The following MYL6 variants were observed in gnomAD, a reference collection of about 807,000 sequenced individuals.
The protein encoded by MYL6 is myosin light chain 6, also known as myosin light polypeptide 6.
In MYL6, 20 loss-of-function variants were observed where a neutral mutation model predicts 20.3. That is an observed-to-expected ratio of 0.98 (90% CI 0.69 to 1.43). The LOEUF is 1.43. Ranked by LOEUF, MYL6 falls within the 40% of genes most tolerant of loss-of-function variation. MYL6 has a pLI of 0.00. For missense variants in MYL6, 164 were observed against 191.0 expected (o/e 0.86, Z 0.83); for synonymous variants, 77 against 72.4 (o/e 1.06, Z -0.32).
chr12:56,161,506 A>G lies in MYL6; in HGVS notation c.*136A>G, dbSNP rs1871868185. ...TTCCCTAGGCTTTCTTGTCTCAGCA[A>G]CTTTCCCATCTTGTCTCTCTTGGAT... On this transcript the variant is annotated 3_prime_UTR_variant, in exon 7 of 7. Coordinates refer to ENST00000550697, the MANE Select transcript of MYL6 (RefSeq NM_021019.5). 1 of 1,467,878 alleles carries G rather than the reference A, an allele frequency of 6.8e-7. No individual in the cohort carries two copies. The highest frequency in any genetic ancestry group is 9.5e-7 in the Non-Finnish European group (1 of 1,049,158). The allele number at this position is 1,467,878 out of a possible 1,614,324, so 90.9% of individuals were successfully genotyped here.
chr12:56,160,495 G>T, intron 5 of MYL6, 131 bp from the exon 6 acceptor site: 1 of 1,413,630 alleles, frequency 7.1e-7, no homozygotes. Flanking sequence ...TAACAGGAAA[G>T]GAAGGGGGTA....
chr12:56,158,533 T>C, intron 1 of MYL6, 129 bp downstream of exon 1: 1 of 1,609,260 alleles, frequency 6.2e-7, no homozygotes. Context: ...GGAGGTGGGG[T>C]TGGAAAGACT....
chr12:56,158,483 A>G (rs767808749), intron 1 of MYL6, 79 bp downstream of exon 1: 4 of 1,571,720 alleles, frequency 2.5e-6, no homozygotes, highest in East Asian at 4.5e-5. Flanking sequence ...AGGAGAAGGC[A>G]GGGGTAGGAG....
rs375710807 is a variant in MYL6 at position 56,160,302 on chromosome 12, G to T, written c.409G>T (p.Gly137Cys). ...MLVAGHEDSN[G>C]CINYEAFVRH... ...GGTGGCAGGGCATGAGGACAGCAAT[G>T]GTTGTATCAACTATGAAGGTAAGAG... The change falls in exon 5 of 7, where the codon GGT (glycine) becomes TGT (cysteine). Residue 137 changes from glycine to cysteine, a missense_variant. By Grantham distance (159) the Gly-to-Cys change is radical. Coordinates refer to ENST00000550697, the MANE Select transcript of MYL6 (RefSeq NM_021019.5). The T allele has an allele frequency of 6.2e-7, 1 of 1,614,094 alleles. No homozygotes were observed. The highest frequency in any genetic ancestry group is 8.5e-7 in the Non-Finnish European group (1 of 1,180,050).
chr12:56,158,762 C>A, intron 2 of MYL6, 51 bp downstream of exon 2: 8 of 1,610,102 alleles, frequency 5.0e-6, no homozygotes, highest in Non-Finnish European at 6.8e-6. Context: ...GAGGGACACC[C>A]TCCCCCCAGC....
In MYL6 at chr12:56,160,136, C is replaced by G; in HGVS notation, c.337C>G (p.Leu113Val). The change falls in exon 4 of 7, where the codon CTT (leucine) becomes GTT (valine). Residue 113 changes from leucine to valine, a missense_variant. By Grantham distance (32) the Leu-to-Val change is conservative (BLOSUM62 1). Coordinates refer to ENST00000550697, the MANE Select transcript of MYL6 (RefSeq NM_021019.5). ...TVMGAEIRHV[L>V]VTLGEKMTEE... Reference sequence around the variant, plus strand: ...CATGGGTGCTGAAATCCGGCATGTTCTTGTCACACTGGGTAAGGTTCTGTG... The same window carrying G: ...CATGGGTGCTGAAATCCGGCATGTTGTTGTCACACTGGGTAAGGTTCTGTG... The G allele has an allele frequency of 6.2e-7, 1 of 1,613,968 alleles. No homozygotes were observed. Among genetic ancestry groups the G allele is most frequent in the Non-Finnish European group, 8.5e-7 (1 of 1,179,894 alleles).
At chr12:56,159,311 A>C in intron 2 of MYL6, 1 of 410,006 alleles carries the variant, frequency 2.4e-6, no homozygotes, top group East Asian at 4.5e-5. Flanking sequence ...TGCCCTGAGA[A>C]GTGTAGTAGC....
intron 6 of MYL6, chr12:56,161,105 C>A: frequency 1.7e-6 from 1 of 590,136 alleles, no homozygotes; most frequent in Non-Finnish European, 3.0e-6. Flanking sequence ...TCTCCTCCCG[C>A]CAGTGGCTGA....
At position 56,160,109 on chromosome 12, in the gene MYL6, G is replaced by A. The variant is rs377607782; in HGVS notation, c.310G>A (p.Val104Ile). The change falls in exon 4 of 7, where the codon GTC (valine) becomes ATC (isoleucine). Residue 104 changes from valine (V) to isoleucine (I), a missense_variant. Coordinates refer to ENST00000550697, the MANE Select transcript of MYL6 (RefSeq NM_021019.5). ...RVFDKEGNGT[V>I]MGAEIRHVLV... The stretch of plus-strand genomic sequence containing the variant: ...GTTTGACAAGGAAGGAAATGGCACC[G>A]TCATGGGTGCTGAAATCCGGCATGT... 34 of 1,614,088 alleles carry A rather than the reference G, an allele frequency of 2.1e-5. No homozygotes were observed. The highest frequency in any genetic ancestry group is 1.7e-5 in the Non-Finnish European group (20 of 1,180,034).
intron 1 of MYL6, 77 bp downstream of exon 1, chr12:56,158,481 G>T (rs1370276608): frequency 6.4e-7 from 1 of 1,570,896 alleles, no homozygotes; most frequent in Non-Finnish European, 8.6e-7. Flanking sequence ...CGAGGAGAAG[G>T]CAGGGGTAGG....
chr12:56,159,569 A>G lies in MYL6; in HGVS notation c.32-18A>G. The G allele has an allele frequency of 6.2e-7, 1 of 1,611,328 alleles. No homozygotes were observed. Among genetic ancestry groups the G allele is most frequent in the Non-Finnish European group, 8.5e-7 (1 of 1,178,996 alleles). ...ATTAACCCTCAAATCCTGTGTTGAC[A>G]TTCATCTGAATCCTCAGAGTTCAAG... On this transcript the variant is annotated intron_variant, in intron 2 of 6. Transcript: ENST00000550697.
intron 1 of MYL6, 131 bp from the exon 2 acceptor site, chr12:56,158,553 C>G (rs375539707): frequency 4.3e-6 from 7 of 1,612,776 alleles, no homozygotes; most frequent in South Asian, 1.1e-5. Context: ...TGGGGCCCTG[C>G]GGGGAAGCGA....
chr12:56,158,486 G>A (rs760998468), intron 1 of MYL6, 82 bp downstream of exon 1: 2 of 1,577,966 alleles, frequency 1.3e-6, no homozygotes, highest in Admixed American at 1.7e-5. Context: ...AGAAGGCAGG[G>A]GTAGGAGGCA....
intron 2 of MYL6, chr12:56,158,929 T>G: frequency 7.0e-7 from 1 of 1,420,814 alleles, no homozygotes; most frequent in Non-Finnish European, 9.1e-7. Flanking sequence ...GGGTGAGTTT[T>G]AGGTGGTGTG....
chr12:56,159,810 A>T (rs1025886307), intron 3 of MYL6, 80 bp downstream of exon 3: 18 of 1,549,144 alleles, frequency 1.2e-5, no homozygotes, highest in Non-Finnish European at 1.6e-5. Context: ...TTATCTTCAT[A>T]GGCCCCAAAC....
Position 56,158,689 on chromosome 12 carries a change from C to G in MYL6, c.9C>G (p.Asp3Glu). Residue 3 changes from aspartate (D) to glutamate (E), a missense_variant, in exon 2 of 7, where the codon GAC becomes GAG. Coordinates refer to ENST00000550697, the MANE Select transcript of MYL6 (RefSeq NM_021019.5). ...CTTCCCTCTTCTCTGAGCAGTGTGA[C>G]TTCACCGAAGACCAGACCGCAGGTA... MCDFTEDQTAEFK... is the reference protein window; with the variant it reads MCEFTEDQTAEFK... The G allele has an allele frequency of 6.2e-7, 1 of 1,614,132 alleles. No individual in the cohort carries two copies. Among genetic ancestry groups the G allele is most frequent in the Middle Eastern group, 1.7e-4 (1 of 6,060 alleles).
chr12:56,160,399 C>A, intron 5 of MYL6, 79 bp downstream of exon 5: 1 of 1,582,122 alleles, frequency 6.3e-7, no homozygotes, highest in Non-Finnish European at 8.7e-7. Context: ...CTTTCCCTAT[C>A]CCTGGACTTG....
intron 6 of MYL6, chr12:56,160,977 T>C: frequency 1.8e-6 from 1 of 565,944 alleles, no homozygotes; most frequent in Non-Finnish European, 3.2e-6. Context: ...CCCTGGAGCA[T>C]GGGTAGCTGG....
intron 2 of MYL6, 87 bp from the exon 3 acceptor site, chr12:56,159,500 T>A (rs767299648): frequency 9.1e-6 from 14 of 1,530,728 alleles, no homozygotes; most frequent in South Asian, 3.6e-5. Flanking sequence ...TTCCTCAGCA[T>A]GATCAAAGTT....
Sources: gnomAD v4.1 joint callset for allele counts on GRCh38, gnomAD v4.1.1 for gene constraint, MANE v1.5 for transcripts, NCBI Gene and HGNC (gene_info 2026-07-23, HGNC 2026-07-21) for gene names.